The following FOXRED2 variants were observed in gnomAD, a reference collection of about 807,000 sequenced individuals.
FOXRED2 encodes the protein FAD-dependent oxidoreductase domain-containing protein 2.
A neutral mutation model predicts 52.5 loss-of-function variants in FOXRED2; 32 were observed. That is an observed-to-expected ratio of 0.61 (90% CI 0.46 to 0.82). The LOEUF (loss-of-function observed/expected upper bound fraction) is 0.82, where lower values mean the gene tolerates loss of function less well. Ranked by LOEUF, FOXRED2 falls within the 40% of genes least tolerant of loss-of-function variation. The pLI, the probability that FOXRED2 is intolerant of heterozygous loss-of-function variation, is 0.00. For missense variants in FOXRED2, 848 were observed against 937.5 expected (o/e 0.90, Z 1.25); for synonymous variants, 405 against 398.1 (o/e 1.02, Z -0.21).
Position 36,498,074 on chromosome 22 carries a change from G to A in FOXRED2, c.1299C>T (p.Thr433=). 5 of 1,614,030 alleles carry A rather than the reference G, an allele frequency of 3.1e-6. No homozygotes were observed. Among genetic ancestry groups the A allele is most frequent in the Non-Finnish European group, 3.4e-6 (4 of 1,180,030 alleles). The change falls in exon 6 of 9, where the codon ACC becomes ACT. Residue 433 remains threonine, a synonymous_variant. Coordinates refer to ENST00000397224, the MANE Select transcript of FOXRED2 (RefSeq NM_001102371.2). ...CATTCACGCGCCGCACGATGGAGCT[G>A]GTCAGCTGTGTGATGGGGAGCTCAG... ...PATELPITQL[T]SSIVRRVNEA... is the part of the protein sequence containing the mutation.
chr22:36,501,523 TG>T, intron 4 of FOXRED2, 116 bp from the exon 5 acceptor site: 2 of 986,008 alleles, frequency 2.0e-6, no homozygotes, highest in South Asian at 3.1e-5. Context: ...TACAATGGCG[TG>T]ATCTCGGCTC....
At chr22:36,500,009 C>G (rs1302988058) in intron 5 of FOXRED2, among the ~76,000 whole-genome samples, 1 of 152,132 alleles carries the variant, frequency 6.6e-6, no homozygotes, top group Non-Finnish European at 1.5e-5. Flanking sequence ...CCATACTGGC[C>G]AGGCTGGTCT....
At chr22:36,497,403 C>T (rs1298990043) in intron 6 of FOXRED2, among the ~76,000 whole-genome samples, 1 of 152,170 alleles carries the variant, frequency 6.6e-6, no homozygotes, top group African/African-American at 2.4e-5. Context: ...AAAGCGGCTG[C>T]ACTACCTGCA....
At chr22:36,503,621 T>A (rs577052510) in intron 4 of FOXRED2, among the ~76,000 whole-genome samples, 32 of 152,264 alleles carry the variant, frequency 2.1e-4, no homozygotes, top group Admixed American at 3.3e-4. Context: ...TCCAAGCATA[T>A]TCTTATGTTA....
chr22:36,498,120 T>C lies in FOXRED2; in HGVS notation c.1253A>G (p.His418Arg), dbSNP rs1198049510. Residue 418 changes from histidine (H) to arginine (R), a missense_variant, in exon 6 of 9, where the codon CAC becomes CGC. Coordinates refer to ENST00000397224, the MANE Select transcript of FOXRED2 (RefSeq NM_001102371.2). ...AVHRLLEHRH[H>R]SVTWPATELP... ...CTCAGTGGCGGGCCAGGTGACGCTGTGGTGGCGGTGCTCCAGGAGCCGGTG... is the reference window on the plus strand; with the variant it reads ...CTCAGTGGCGGGCCAGGTGACGCTGCGGTGGCGGTGCTCCAGGAGCCGGTG... 1 of 1,612,362 alleles carries C rather than the reference T, an allele frequency of 6.2e-7. No individual in the cohort carries two copies. Among genetic ancestry groups the C allele is most frequent in the East Asian group, 2.2e-5 (1 of 44,882 alleles).
At chr22:36,496,998 T>C (rs1477819166) in intron 6 of FOXRED2, among the ~76,000 whole-genome samples, 1 of 152,164 alleles carries the variant, frequency 6.6e-6, no homozygotes, top group Non-Finnish European at 1.5e-5. Flanking sequence ...CTAGCCAACA[T>C]GGTGAAACCT....
At chr22:36,499,278 C>A (rs1176932667) in intron 5 of FOXRED2, among the ~76,000 whole-genome samples, 12 of 152,010 alleles carry the variant, frequency 7.9e-5, no homozygotes. Context: ...CTTTGAGTGG[C>A]AGAATATAAA....
At position 36,504,781 on chromosome 22, in the gene FOXRED2, A is replaced by C; in HGVS notation, c.528-15T>G. On this transcript the variant is annotated splice_polypyrimidine_tract_variant and intron_variant, in intron 2 of 8. Coordinates refer to ENST00000397224, the MANE Select transcript of FOXRED2 (RefSeq NM_001102371.2). ...CAAAGAGGACGCTGCAGGCGGGGAC[A>C]GAGGAAAGATGGCTTAGTCTCTTAG... is the stretch of plus-strand genomic sequence containing the variant. 1 of 1,613,074 alleles carries C rather than the reference A, an allele frequency of 6.2e-7. No individual in the cohort carries two copies. The highest frequency in any genetic ancestry group is 8.5e-7 in the Non-Finnish European group (1 of 1,179,220).
At chr22:36,502,687 CCT>C (rs753516299) in intron 4 of FOXRED2, among the ~76,000 whole-genome samples, 1 of 151,854 alleles carries the variant, frequency 6.6e-6, no homozygotes, top group African/African-American at 2.4e-5. Flanking sequence ...TTCCTTCTCT[CCT>C]CTCTCTTTTT....
At position 36,493,634 on chromosome 22, in the gene FOXRED2, T is replaced by A. The variant is rs1315904124; in HGVS notation, c.1794A>T (p.Ala598=). The change falls in exon 8 of 9, where the codon GCA becomes GCT. Residue 598 remains alanine (A), a splice_region_variant and synonymous_variant. Coordinates refer to ENST00000397224, the MANE Select transcript of FOXRED2 (RefSeq NM_001102371.2). ...TGTCTTTCTGGGAGCTTAAGTTACCTGCATAGAAGCTTCGCAAATCGGTGT... is the reference window on the plus strand; with the variant it reads ...TGTCTTTCTGGGAGCTTAAGTTACCAGCATAGAAGCTTCGCAAATCGGTGT... ...CLDTDLRSFY[A]ESCFLFALTR... is the part of the protein sequence containing the mutation. The A allele has an allele frequency of 1.9e-6, 3 of 1,613,402 alleles. No individual in the cohort carries two copies. The African/African-American group carries it at 4.0e-5, about 22-fold the overall frequency.
At chr22:36,491,460 T>C (rs1044219102) in intron 8 of FOXRED2, among the ~76,000 whole-genome samples, 1 of 152,002 alleles carries the variant, frequency 6.6e-6, no homozygotes, top group Non-Finnish European at 1.5e-5. Context: ...TGGAGTACAG[T>C]GGCACGATCC....
rs1430274634 is a variant in FOXRED2 at position 36,504,148 on chromosome 22, G to A, written c.999C>T (p.Asp333=). Residue 333 remains aspartate, a synonymous_variant, in exon 4 of 9, where the codon GAC becomes GAT. Coordinates refer to ENST00000397224, the MANE Select transcript of FOXRED2 (RefSeq NM_001102371.2). ...NDNFAMRVPY[D]RVIRCLGWNF... ...TCCAGCCCAGGCAGCGGATTACCCG[G>A]TCATAGGGCACGCGCATGGCAAAGT... The A allele has an allele frequency of 6.2e-7, 1 of 1,614,236 alleles. No homozygotes were observed. The highest frequency in any genetic ancestry group is 8.5e-7 in the Non-Finnish European group (1 of 1,180,040).
At chr22:36,494,032 C>A (rs557602497) in intron 7 of FOXRED2, among the ~76,000 whole-genome samples, 1 of 152,198 alleles carries the variant, frequency 6.6e-6, no homozygotes, top group Non-Finnish European at 1.5e-5. Context: ...CTTGTGGTTT[C>A]GGAAGGCAGT....
chr22:36,491,559 C>G (rs1417378643), intron 8 of FOXRED2, among the ~76,000 whole-genome samples: 1 of 152,046 alleles, frequency 6.6e-6, no homozygotes, highest in African/African-American at 2.4e-5. Context: ...CCCGCCACCA[C>G]GCTCAGCTAA....
In FOXRED2 at chr22:36,506,173, G is replaced by T. The variant is rs752553560; in HGVS notation, c.250C>A (p.Arg84=). The T allele has an allele frequency of 1.9e-6, 3 of 1,614,234 alleles. No homozygotes were observed. In the South Asian group the frequency reaches 3.3e-5, roughly 18 times the overall value. ...TCGGCGTTAGCCTTGCCCGTGTACC[G>T]CTTGTTGATGCTGATGAGCTTGCGG... ...RHRKLISINK[R]YTGKANAEFN... is the part of the protein sequence containing the mutation. Residue 84 remains arginine, a synonymous_variant, in exon 2 of 9, where the codon CGG becomes AGG. Coordinates refer to ENST00000397224, the MANE Select transcript of FOXRED2 (RefSeq NM_001102371.2).
chr22:36,497,120 G>A (rs1199846090), intron 6 of FOXRED2, among the ~76,000 whole-genome samples: 6 of 152,100 alleles, frequency 3.9e-5, no homozygotes, highest in African/African-American at 1.4e-4. Context: ...GTGGGCTGCA[G>A]TGAGCCAAGA....
intron 4 of FOXRED2, 21 bp from the exon 5 acceptor site, chr22:36,501,428 T>G (rs775686898): frequency 1.2e-6 from 2 of 1,612,504 alleles, no homozygotes; most frequent in Non-Finnish European, 1.7e-6. Context: ...AAAGGGCTGT[T>G]CATGAAAATA....
intron 5 of FOXRED2, among the ~76,000 whole-genome samples, chr22:36,498,640 C>T (rs1389820999): frequency 1.3e-5 from 2 of 152,216 alleles, no homozygotes; most frequent in Non-Finnish European, 2.9e-5. Context: ...GACGCGCCTA[C>T]AGAAATCTTT....
At chr22:36,496,745 C>T (rs553980353) in intron 6 of FOXRED2, among the ~76,000 whole-genome samples, 5 of 152,242 alleles carry the variant, frequency 3.3e-5, no homozygotes, top group Middle Eastern at 3.4e-3. Flanking sequence ...CCAAGTGGGG[C>T]GGCTGTTGTA....
Sources: gnomAD v4.1 joint callset for allele counts (sites outside exome capture counted in the v4.1 genomes callset) on GRCh38, gnomAD v4.1.1 for gene constraint, MANE v1.5 for transcripts, NCBI Gene and HGNC (gene_info 2026-07-23, HGNC 2026-07-21) for gene names.